The following SHOC2 variants were observed in gnomAD, a reference collection of about 807,000 sequenced individuals.
SHOC2 encodes the protein leucine-rich repeat protein SHOC-2.
A neutral mutation model predicts 50.2 loss-of-function variants in SHOC2; 4 were observed. The observed-to-expected ratio is 0.08, with a 90% CI of 0.04 to 0.18. The LOEUF is 0.18. SHOC2 is among the 10% of genes least tolerant of loss of function. The pLI, the probability that SHOC2 is intolerant of heterozygous loss-of-function variation, is 1.00. For missense variants in SHOC2, 388 were observed against 669.6 expected, an observed-to-expected ratio of 0.58 and a Z score of 4.64; for synonymous variants, 218 against 244.5, an observed-to-expected ratio of 0.89 and a Z score of 1.01.
intron 2 of SHOC2, among the ~76,000 whole-genome samples, chr10:110,977,341 T>C (rs907891733): frequency 2.7e-5 from 4 of 149,666 alleles, no homozygotes; most frequent in Admixed American, 1.3e-4. Context: ...AGTCTCTGCC[T>C]TCTGGGTTCA....
At chr10:110,957,537 C>CG (rs1554856738) in intron 1 of SHOC2, among the ~76,000 whole-genome samples, 2 of 149,946 alleles carry the variant, frequency 1.3e-5, no homozygotes, top group South Asian at 4.3e-4. Flanking sequence ...AAGATACCCC[C>CG]CCCCCAGCCC....
chr10:110,961,882 A>G (rs921883229), intron 1 of SHOC2, among the ~76,000 whole-genome samples: 1 of 152,062 alleles, frequency 6.6e-6, no homozygotes, highest in Non-Finnish European at 1.5e-5. Flanking sequence ...ATAATATTAA[A>G]TATACTGGTG....
In SHOC2 at chr10:111,011,677, G is replaced by A. The variant is rs2134183063; in HGVS notation, c.1608G>A (p.Glu536=). 6.2e-7 allele frequency: 1 copy of A among 1,613,914 alleles called. No individual in the cohort carries two copies. Among genetic ancestry groups the A allele is most frequent in the Non-Finnish European group, 8.5e-7 (1 of 1,179,946 alleles). ...DNPNLHSLPF[E]LALCSKLSIM... The stretch of plus-strand genomic sequence containing the variant: ...CCAACCTGCATAGCCTTCCCTTTGA[G>A]CTGGCACTCTGCAGCAAGCTTTCAA... The change falls in exon 9 of 9, where the codon GAG becomes GAA. Residue 536 remains glutamate, a synonymous_variant. Coordinates refer to ENST00000369452, the MANE Select transcript of SHOC2 (RefSeq NM_007373.4).
chr10:110,943,151 C>A (rs1323275908), intron 1 of SHOC2, among the ~76,000 whole-genome samples: 1 of 151,950 alleles, frequency 6.6e-6, no homozygotes, highest in Non-Finnish European at 1.5e-5. Flanking sequence ...ATGTTTTCAA[C>A]CATTATTTCT....
intron 3 of SHOC2, among the ~76,000 whole-genome samples, chr10:110,998,395 T>A (rs1848308191): frequency 6.6e-6 from 1 of 152,110 alleles, no homozygotes; most frequent in Non-Finnish European, 1.5e-5. Context: ...TTTTTTCTCC[T>A]GAGGAATTGA....
intron 1 of SHOC2, among the ~76,000 whole-genome samples, chr10:110,957,011 G>T (rs989147342): frequency 3.9e-5 from 6 of 152,142 alleles, no homozygotes; most frequent in Non-Finnish European, 5.9e-5. Flanking sequence ...TTTGTTCAGA[G>T]ATCAAGAAAA....
At position 110,964,947 on chromosome 10, in the gene SHOC2, C is replaced by G. The variant is rs1239455840; in HGVS notation, c.589C>G (p.Leu197Val). ...VVYRLDSLTT[L>V]YLRFNRITTV... ...GTATAGGCTGGATTCTCTCACCACT[C>G]TTTACCTTCGCTTTAATCGTATAAC... Residue 197 changes from leucine to valine, a missense_variant, in exon 2 of 9, where the codon CTT becomes GTT. Leu to Val is a conservative substitution (Grantham distance 32). Transcript: ENST00000369452. This position sits in a 1 kb window ranked among gnomAD's most constrained non-coding sequence, Gnocchi z 4.9. 7 of 1,613,696 alleles carry G rather than the reference C, an allele frequency of 4.3e-6. No homozygotes were observed. The highest frequency in any genetic ancestry group is 5.9e-6 in the Non-Finnish European group (7 of 1,179,902).
intron 3 of SHOC2, among the ~76,000 whole-genome samples, chr10:110,990,146 G>A (rs535115175): frequency 3.3e-5 from 5 of 152,358 alleles, no homozygotes; most frequent in South Asian, 2.1e-4. Flanking sequence ...TGAGGAAGGC[G>A]AGCGCATGGC....
intron 7 of SHOC2, 59 bp downstream of exon 7, chr10:111,009,444 A>C (rs1848528571): frequency 7.2e-7 from 1 of 1,384,560 alleles, no homozygotes; most frequent in East Asian, 2.3e-5. Context: ...TCCAAATTCC[A>C]CATTTCTCTT....
rs375699459 is a variant in SHOC2 at position 110,941,190 on chromosome 10, T to C, written c.-235+21533T>C. 3.2e-3 allele frequency among the ~76,000 whole-genome samples: 483 copies of C among 152,140 alleles called. 26 individuals carry two copies. In the South Asian group the frequency reaches 0.092, roughly 29 times the overall value. ...TGATAGGTGTGTAGTGATCTGTCAT[T>C]GTGATTTTAATTTGCATTTTCCTAT... On this transcript the variant is annotated intron_variant, in intron 1 of 8. Transcript: ENST00000369452.
chr10:110,936,036 A>G (rs927680762), intron 1 of SHOC2, among the ~76,000 whole-genome samples: 9 of 151,164 alleles, frequency 6.0e-5, no homozygotes, highest in African/African-American at 2.2e-4. Flanking sequence ...GGTTTTGCAT[A>G]TTTAATGATG....
chr10:111,008,638 A>G (rs531837977), intron 6 of SHOC2, among the ~76,000 whole-genome samples: 1 of 152,214 alleles, frequency 6.6e-6, no homozygotes, highest in African/African-American at 2.4e-5. Flanking sequence ...CTTACTGTAT[A>G]TATTTATTAT....
At chr10:110,962,990 A>G (rs1847600900) in intron 1 of SHOC2, among the ~76,000 whole-genome samples, 1 of 152,194 alleles carries the variant, frequency 6.6e-6, no homozygotes, top group Non-Finnish European at 1.5e-5. Context: ...ACATCCTATA[A>G]AAATAAATTA....
At chr10:110,954,013 T>G (rs1450951531) in intron 1 of SHOC2, among the ~76,000 whole-genome samples, 1 of 151,302 alleles carries the variant, frequency 6.6e-6, no homozygotes, top group African/African-American at 2.4e-5. Flanking sequence ...TGACCAAAAA[T>G]TTGTTGAAAA....
rs144226053 is a variant in SHOC2, at chr10:111,009,077, G to A, written c.1285-171G>A. On this transcript the variant is annotated intron_variant, in intron 6 of 8. Transcript: ENST00000369452. ...TAAAATCTCTTTTCTAATAACTATGGTGTTTTTTTAGAAAAGTAAGTTAAA... is the reference window on the plus strand; with the variant it reads ...TAAAATCTCTTTTCTAATAACTATGATGTTTTTTTAGAAAAGTAAGTTAAA... 1.0e-2 allele frequency among the ~76,000 whole-genome samples: 1,513 copies of A among 151,960 alleles called. 14 individuals are homozygous for A. Among genetic ancestry groups the A allele is most frequent in the Non-Finnish European group, 0.014 (938 of 67,928 alleles).
rs759714493 is a variant in SHOC2, at chr10:110,985,644, C to A, written c.720C>A (p.Leu240=). The part of the protein sequence containing the change: ...LPAEIGELCN[L]ITLDVAHNQL... ...AATTTACAGGTGAATTATGTAACCT[C>A]ATTACGCTGGATGTAGCTCACAATC... The change falls in exon 3 of 9, where the codon CTC becomes CTA. Residue 240 remains leucine (L), a synonymous_variant. Transcript: ENST00000369452. 1.9e-6 allele frequency: 3 copies of A among 1,610,716 alleles called. No individual in the cohort carries two copies. The African/African-American group carries it at 4.0e-5, about 22-fold the overall frequency.
At chr10:110,934,844 G>C (rs1286988694) in intron 1 of SHOC2, among the ~76,000 whole-genome samples, 1 of 151,998 alleles carries the variant, frequency 6.6e-6, no homozygotes, top group African/African-American at 2.4e-5. Flanking sequence ...GATTTTTAAA[G>C]GTAACTTAAG....
intron 1 of SHOC2, among the ~76,000 whole-genome samples, chr10:110,931,722 G>A (rs1482164726): frequency 6.6e-6 from 1 of 151,774 alleles, no homozygotes; most frequent in East Asian, 1.9e-4. Context: ...CTCAATAAAA[G>A]GTTCATAATA....
At chr10:110,979,392 T>C (rs1847932046) in intron 2 of SHOC2, among the ~76,000 whole-genome samples, 2 of 152,216 alleles carry the variant, frequency 1.3e-5, no homozygotes, top group South Asian at 2.1e-4. Flanking sequence ...CATATTCTGT[T>C]GGTAAGAAGC....
Sources: gnomAD v4.1 joint callset for allele counts (sites outside exome capture counted in the v4.1 genomes callset) on GRCh38, gnomAD v4.1.1 for gene constraint, Gnocchi (gnomAD v3.1) non-coding constraint, MANE v1.5 for transcripts, NCBI Gene and HGNC (gene_info 2026-07-23, HGNC 2026-07-21) for gene names.